Variants in AHRR observed in about 807,000 individuals in gnomAD.
AHRR encodes the protein ahR repressor.
Under a neutral mutation model 44.0 loss-of-function variants are expected in AHRR, and 28 were observed. The observed-to-expected ratio is 0.64, with a 90% confidence interval of 0.47 to 0.87. AHRR has a LOEUF of 0.87. Among genes scored for constraint, AHRR ranks in the 40% least tolerant of loss-of-function variants. The pLI is 0.00. For synonymous variants in AHRR, 434 were observed against 407.0 expected, an observed-to-expected ratio of 1.07 and a Z score of -0.80; for missense variants, 990 against 953.9, an observed-to-expected ratio of 1.04 and a Z score of -0.50.
At chr5:415,034 G>T (rs1366383824) in intron 5 of AHRR, among the ~76,000 whole-genome samples, 6 of 152,256 alleles carry the variant, frequency 3.9e-5, no homozygotes, top group African/African-American at 1.4e-4. Context: ...GTGGCACGGG[G>T]TGGGGCCATG....
intron 4 of AHRR, among the ~76,000 whole-genome samples, chr5:399,672 C>G (rs574783724): frequency 6.6e-6 from 1 of 152,166 alleles, no homozygotes; most frequent in African/African-American, 2.4e-5. Context: ...AGGGCGGAGG[C>G]GGCGTCAGCA....
chr5:329,118 C>T (rs967973372), intron 1 of AHRR, among the ~76,000 whole-genome samples: 4 of 152,100 alleles, frequency 2.6e-5, no homozygotes, highest in African/African-American at 4.8e-5. Flanking sequence ...GTTTTTCCTG[C>T]GCTGACACAC....
intron 5 of AHRR, among the ~76,000 whole-genome samples, chr5:422,048 C>T (rs1011524304): frequency 6.6e-6 from 1 of 152,156 alleles, no homozygotes; most frequent in African/African-American, 2.4e-5. Context: ...GCCTGACTTT[C>T]TTCAGTTAGG....
rs932598388 is a variant in AHRR at position 406,332 on chromosome 5, C to T, written c.352-7012C>T. Among the ~76,000 whole-genome samples, 3 of 152,180 alleles carry T rather than the reference C, an allele frequency of 2.0e-5. No individual in the cohort carries two copies. Among genetic ancestry groups the T allele is most frequent in the East Asian group, 3.9e-4 (2 of 5,188 alleles). The stretch of plus-strand genomic sequence containing the variant: ...GAGGGACCAGTCCAGAATGGCCCCA[C>T]GTCAGGAGAAAGAGTCCCCAATCCC... On this transcript the variant is annotated intron_variant, in intron 4 of 10. Transcript: ENST00000684583. The surrounding 1 kb of genome is among the most constrained non-coding windows in gnomAD (Gnocchi z 4.7).
Position 433,855 on chromosome 5 carries a change from A to G in AHRR, c.1115A>G (p.Asp372Gly). 1 of 1,491,426 alleles carries G rather than the reference A, an allele frequency of 6.7e-7. No individual in the cohort carries two copies. The allele number at this position is 1,491,426 out of a possible 1,614,324, so 92.4% of individuals were successfully genotyped here. A position where few individuals can be genotyped will look rare whatever the true frequency, so the allele number is the denominator to read the frequency against. The change falls in exon 11 of 11, where the codon GAC becomes GGC. Residue 372 changes from aspartate to glycine, a missense_variant and splice_region_variant. Asp to Gly is a moderately conservative substitution (Grantham distance 94). Coordinates refer to ENST00000684583, the MANE Select transcript of AHRR (RefSeq NM_001377236.1). The stretch of plus-strand genomic sequence containing the variant: ...TGGGCCCCGTCTTTTCTCTGCAGGG[A>G]CAGGGAGGAGGAGCAGCACAGGATG... ...LVLDPKGGSG[D>G]REEEQHRMLS...
At chr5:428,689 T>C (rs1367328807) in intron 8 of AHRR, among the ~76,000 whole-genome samples, 1 of 152,234 alleles carries the variant, frequency 6.6e-6, no homozygotes, top group African/African-American at 2.4e-5. Flanking sequence ...TAATATATAA[T>C]GAAATAATTA....
rs1030329289 is a variant in AHRR, at chr5:422,925, T to C, written c.571+67T>C. 16 of 1,523,256 alleles carry C rather than the reference T, an allele frequency of 1.1e-5. No homozygotes were observed. The Admixed American group carries it at 3.4e-4, about 33-fold the overall frequency. The allele number at this position is 1,523,256 out of a possible 1,614,324, so 94.4% of individuals were successfully genotyped here. On this transcript the variant is annotated intron_variant, in intron 6 of 10. Coordinates refer to ENST00000684583, the MANE Select transcript of AHRR (RefSeq NM_001377236.1). ...AGGTCCCATAACACATCGCTGCCTCTGGAAATGACCCTGTCGCACCTTCTT... is the reference window on the plus strand; with the variant it reads ...AGGTCCCATAACACATCGCTGCCTCCGGAAATGACCCTGTCGCACCTTCTT...
At position 392,390 on chromosome 5, in the gene AHRR, G is replaced by A. The variant is rs527524323; in HGVS notation, c.351+15674G>A. 1.2e-3 allele frequency among the ~76,000 whole-genome samples: 157 copies of A among 131,926 alleles called. 1 individual carries two copies. The highest frequency in any genetic ancestry group is 4.2e-3 in the African/African-American group (146 of 34,484). 86.5% of individuals were successfully genotyped at this position (131,926 alleles called of 152,430 possible). Reference sequence around the variant, plus strand: ...TGCACGGGCGCAGGGCGAGGAGGGCGCAGGGTGAGGCAGGGCCAGAGCGTG... The same window carrying A: ...TGCACGGGCGCAGGGCGAGGAGGGCACAGGGTGAGGCAGGGCCAGAGCGTG... On this transcript the variant is annotated intron_variant, in intron 4 of 10. Transcript: ENST00000684583.
chr5:344,082 G>A, intron 2 of AHRR, 118 bp downstream of exon 2: 4 of 1,099,846 alleles, frequency 3.6e-6, no homozygotes, highest in Admixed American at 2.7e-5. Flanking sequence ...TTCGGGAGCC[G>A]GGCGGGCCGG....
At chr5:421,057 C>T (rs1381093572) in intron 5 of AHRR, 21 of 526,650 alleles carry the variant, frequency 4.0e-5, no homozygotes, top group Non-Finnish European at 2.7e-5. Context: ...CTATCCACCG[C>T]AGCGACTAAA....
chr5:344,945 G>T lies in AHRR; in HGVS notation c.62+981G>T, dbSNP rs546664924. On this transcript the variant is annotated intron_variant, in intron 2 of 10. Coordinates refer to ENST00000684583, the MANE Select transcript of AHRR (RefSeq NM_001377236.1). ...AGGGCTGTGGGGAGCTGTGTGTGGGGGGGGTGTGTGTGTGAGGTTGGGGGC... is the reference window on the plus strand; with the variant it reads ...AGGGCTGTGGGGAGCTGTGTGTGGGTGGGGTGTGTGTGTGAGGTTGGGGGC... 3.5e-4 allele frequency among the ~76,000 whole-genome samples: 30 copies of T among 85,952 alleles called. 1 individual carries two copies. In the South Asian group the frequency reaches 4.3e-3, roughly 12 times the overall value. The allele number at this position is 85,952 out of a possible 152,430, so 56.4% of individuals were successfully genotyped here. A position where few individuals can be genotyped will look rare whatever the true frequency, so the allele number is the denominator to read the frequency against.
chr5:376,855 C>T (rs1733730450), intron 4 of AHRR, 139 bp downstream of exon 4: 1 of 756,216 alleles, frequency 1.3e-6, no homozygotes, highest in African/African-American at 1.8e-5. Context: ...TTATAACTGT[C>T]AGGAAGCGTA....
intron 3 of AHRR, among the ~76,000 whole-genome samples, 178 bp downstream of exon 3, chr5:354,089 G>A (rs1354543737): frequency 2.6e-5 from 4 of 152,328 alleles, no homozygotes; most frequent in East Asian, 3.9e-4. Flanking sequence ...GAGCTGGCTG[G>A]GCTGTGGATT....
chr5:403,373 A>AT (rs1735103620), intron 4 of AHRR, among the ~76,000 whole-genome samples: 1 of 152,156 alleles, frequency 6.6e-6, no homozygotes, highest in Non-Finnish European at 1.5e-5. Context: ...GCAGTGGCTC[A>AT]CCCTGTAATC....
chr5:429,196 C>T (rs887897483), intron 8 of AHRR, among the ~76,000 whole-genome samples: 7 of 152,076 alleles, frequency 4.6e-5, no homozygotes, highest in African/African-American at 1.7e-4. Flanking sequence ...GAGGTAGGGC[C>T]GGGGCTGCCA....
In AHRR at chr5:405,167, G is replaced by A. The variant is rs998976804; in HGVS notation, c.352-8177G>A. Among the ~76,000 whole-genome samples, 2 of 152,026 alleles carry A rather than the reference G, an allele frequency of 1.3e-5. No homozygotes were observed. The highest frequency in any genetic ancestry group is 4.8e-5 in the African/African-American group (2 of 41,372). On this transcript the variant is annotated intron_variant, in intron 4 of 10. Coordinates refer to ENST00000684583, the MANE Select transcript of AHRR (RefSeq NM_001377236.1). This position sits in a 1 kb window ranked among gnomAD's most constrained non-coding sequence, Gnocchi z 4.5. ...AAACCGAGAGCTTGTGAACAGCCCC[G>A]ATGGGTCCAGGCAGATTCACCAGAC... is the stretch of plus-strand genomic sequence containing the variant.
At chr5:373,084 C>G (rs755333809) in intron 3 of AHRR, among the ~76,000 whole-genome samples, 1 of 152,230 alleles carries the variant, frequency 6.6e-6, no homozygotes, top group African/African-American at 2.4e-5. Context: ...CAGCCGTGGG[C>G]GGACGGCTGG....
intron 5 of AHRR, among the ~76,000 whole-genome samples, chr5:420,038 C>T (rs1198853675): frequency 6.6e-6 from 1 of 152,198 alleles, no homozygotes; most frequent in African/African-American, 2.4e-5. Context: ...GCCTGGAGAC[C>T]CTTTGGAAAC....
At chr5:422,559 G>A (rs1736177300) in intron 5 of AHRR, 170 bp from the exon 6 acceptor site, 2 of 841,526 alleles carry the variant, frequency 2.4e-6, no homozygotes, top group East Asian at 5.2e-5. Flanking sequence ...ATCTTCTCAG[G>A]AGGGAGTGGG....
Sources: gnomAD v4.1 joint callset for allele counts (sites outside exome capture counted in the v4.1 genomes callset) on GRCh38, gnomAD v4.1.1 for gene constraint, Gnocchi (gnomAD v3.1) non-coding constraint, MANE v1.5 for transcripts, NCBI Gene and HGNC (gene_info 2026-07-23, HGNC 2026-07-21) for gene names.